The following GEMIN5 variants were observed in gnomAD, a reference collection of about 807,000 sequenced individuals.
The protein encoded by GEMIN5 is gem-associated protein 5.
Under a neutral mutation model 176.9 loss-of-function variants are expected in GEMIN5, and 124 were observed. That is an observed-to-expected ratio of 0.70 (90% CI 0.61 to 0.81). GEMIN5 has a LOEUF of 0.81. Ranked by LOEUF, GEMIN5 falls within the 40% of genes least tolerant of loss-of-function variation. The pLI, the probability that GEMIN5 is intolerant of heterozygous loss-of-function variation, is 0.00. For missense variants in GEMIN5, 1,843 were observed against 1,814.6 expected (o/e 1.02, Z -0.28); for synonymous variants, 673 against 665.2 (o/e 1.01, Z -0.18).
chr5:154,904,642 A>G lies in GEMIN5; in HGVS notation c.2510-13T>C. On this transcript the variant is annotated splice_polypyrimidine_tract_variant and intron_variant, in intron 17 of 27. Coordinates refer to ENST00000285873, the MANE Select transcript of GEMIN5 (RefSeq NM_015465.5). ...TTGATTAAGGTTTCTGAAATTTAAT[A>G]AAGTACATACTATCTGAAGGAGAAC... 3 of 1,599,970 alleles carry G rather than the reference A, an allele frequency of 1.9e-6. No homozygotes were observed. The highest frequency in any genetic ancestry group is 2.2e-5 in the East Asian group (1 of 44,756).
In GEMIN5 at chr5:154,888,248, T is replaced by C. The variant is rs1386796176; in HGVS notation, c.4489A>G (p.Lys1497Glu). ...GTCTGGCAGTGTCTTCTGTAAGTTT[T>C]CGTGTTGCCGTATTTCTGAAGGAGC... ...QELLQKYGNT[K>E]TYRRHCQTFC... Residue 1497 changes from lysine to glutamate, a missense_variant, in exon 28 of 28, where the codon AAA becomes GAA. By Grantham distance (56) the Lys-to-Glu change is moderately conservative. Transcript: ENST00000285873. 1 of 1,614,198 alleles carries C rather than the reference T, an allele frequency of 6.2e-7. No individual in the cohort carries two copies. The highest frequency in any genetic ancestry group is 1.7e-5 in the Admixed American group (1 of 60,018).
Position 154,925,844 on chromosome 5 carries a change from CA to C in GEMIN5, c.1293+17del. On this transcript the variant is annotated intron_variant, in intron 8 of 27. Transcript: ENST00000285873. Reference sequence around the variant, plus strand: ...GAAAAAAAAAAGTTCAAAACAAGCTCAAAAAAAGAATCCTTACCGCTGTAAC... The same window carrying C: ...GAAAAAAAAAAGTTCAAAACAAGCTCAAAAAAGAATCCTTACCGCTGTAAC... 6.8e-6 allele frequency: 10 copies of C among 1,480,760 alleles called. No individual in the cohort carries two copies. The highest frequency in any genetic ancestry group is 3.6e-5 in the Admixed American group (2 of 55,564). The allele number at this position is 1,480,760 out of a possible 1,614,324, so 91.7% of individuals were successfully genotyped here.
intron 23 of GEMIN5, 37 bp from the exon 24 acceptor site, chr5:154,896,380 AGGGAAAGCACT>A: frequency 6.5e-7 from 1 of 1,528,214 alleles, no homozygotes; most frequent in East Asian, 2.3e-5. Flanking sequence ...ACTGTTATAC[AGGGAAAGCACT>A]GGATGATCTC....
rs763638339 is a variant in GEMIN5 at position 154,924,565 on chromosome 5, AAG to A, written c.1294-13_1294-12del. 9.7e-5 allele frequency: 152 copies of A among 1,565,192 alleles called. 1 individual carries two copies. The highest frequency in any genetic ancestry group is 1.1e-4 in the Non-Finnish European group (129 of 1,137,122). On this transcript the variant is annotated splice_polypyrimidine_tract_variant and intron_variant, in intron 8 of 27. Coordinates refer to ENST00000285873, the MANE Select transcript of GEMIN5 (RefSeq NM_015465.5). ...TGGGTGCCAGCACAGCTACAAAAAA[AAG>A]AGTTTCCAAGTGAGAATATAAGAAG...
chr5:154,897,923 T>TG (rs1317093744), intron 23 of GEMIN5, among the ~76,000 whole-genome samples: 1 of 149,370 alleles, frequency 6.7e-6, no homozygotes, highest in East Asian at 1.9e-4. Flanking sequence ...TGTTTTTTTT[T>TG]TTTTTTTTGA....
intron 9 of GEMIN5, 66 bp from the exon 10 acceptor site, chr5:154,921,491 C>T: frequency 1.4e-6 from 1 of 737,516 alleles, no homozygotes. Context: ...AAAAACAGAC[C>T]ATCTTTTTCT....
rs940695069 is a variant in GEMIN5 at position 154,921,343 on chromosome 5, C to T, written c.1462G>A (p.Gly488Arg). The T allele has an allele frequency of 1.3e-5, 16 of 1,191,038 alleles. No individual in the cohort carries two copies. The African/African-American group carries it at 1.9e-4, about 14-fold the overall frequency. The allele number at this position is 1,191,038 out of a possible 1,614,324, so 73.8% of individuals were successfully genotyped here. A position where few individuals can be genotyped will look rare whatever the true frequency, so the allele number is the denominator to read the frequency against. Reference protein sequence around the residue: ...WGPPVPPMSLGGEGDRPSLAL... With the variant: ...WGPPVPPMSLRGEGDRPSLAL... Reference sequence around the variant, plus strand: ...GTTATGGAATTGTTCAGATACTTACCAAGTGACATGGGGGGTACTGGTGGC... The same window carrying T: ...GTTATGGAATTGTTCAGATACTTACTAAGTGACATGGGGGGTACTGGTGGC... The change falls in exon 10 of 28, where the codon GGA (glycine) becomes AGA (arginine). Residue 488 changes from glycine to arginine, a missense_variant and splice_region_variant. Physicochemically the swap from Gly to Arg is moderately radical, Grantham distance 125. Coordinates refer to ENST00000285873, the MANE Select transcript of GEMIN5 (RefSeq NM_015465.5).
chr5:154,892,467 A>G lies in GEMIN5; in HGVS notation c.3680T>C (p.Leu1227Pro), dbSNP rs765893701. 1.2e-6 allele frequency: 2 copies of G among 1,614,224 alleles called. No homozygotes were observed. The highest frequency in any genetic ancestry group is 2.2e-5 in the East Asian group (1 of 44,884). ...MASWDEAVQA[L>P]LRAVVRSYDS... The stretch of plus-strand genomic sequence containing the variant: ...ATAGCTCCGGACCACCGCCCGAAGG[A>G]GCGCCTGCACAGCCTCGTCCCAGGA... The change falls in exon 25 of 28, where the codon CTC (leucine) becomes CCC (proline). Residue 1227 changes from leucine to proline, a missense_variant. Leu to Pro is a moderately conservative substitution (Grantham distance 98). Transcript: ENST00000285873.
intron 24 of GEMIN5, among the ~76,000 whole-genome samples, chr5:154,893,053 C>T (rs192796725): frequency 6.6e-6 from 1 of 151,878 alleles, no homozygotes; most frequent in Admixed American, 6.6e-5. Context: ...GCTGAGATTG[C>T]GCCACTGCAC....
chr5:154,892,343 T>C, intron 25 of GEMIN5, 44 bp downstream of exon 25: 2 of 1,486,576 alleles, frequency 1.3e-6, no homozygotes, highest in Non-Finnish European at 9.4e-7. Context: ...GGTGGTGATG[T>C]TGTCCATTAA....
chr5:154,898,667 A>G lies in GEMIN5; in HGVS notation c.3135-17T>C, dbSNP rs747208603. On this transcript the variant is annotated splice_polypyrimidine_tract_variant and intron_variant, in intron 22 of 27. Transcript: ENST00000285873. ...CCTAAATAGCTATAATATGAATAAA[A>G]ATGTGAAGAAAATGTCACAAACAGA... is the stretch of plus-strand genomic sequence containing the variant. 6.5e-7 allele frequency: 1 copy of G among 1,544,582 alleles called. No homozygotes were observed. The highest frequency in any genetic ancestry group is 1.1e-5 in the South Asian group (1 of 89,614).
intron 6 of GEMIN5, 42 bp downstream of exon 6, chr5:154,928,485 A>T (rs763674058): frequency 6.2e-7 from 1 of 1,605,392 alleles, no homozygotes; most frequent in South Asian, 1.1e-5. Context: ...CCAAATAGAA[A>T]AACAAAATAT....
At chr5:154,903,249 G>T in intron 18 of GEMIN5, 74 bp from the exon 19 acceptor site, 4 of 977,228 alleles carry the variant, frequency 4.1e-6, no homozygotes, top group Non-Finnish European at 4.9e-6. Flanking sequence ...AATAACTTCC[G>T]AATATATGTT....
At chr5:154,923,954 T>C (rs1324426444) in intron 9 of GEMIN5, among the ~76,000 whole-genome samples, 1 of 152,202 alleles carries the variant, frequency 6.6e-6, no homozygotes, top group Non-Finnish European at 1.5e-5. Context: ...GAACTGTATA[T>C]GTAACCTAAA....
At chr5:154,891,813 A>T (rs1385437730) in intron 25 of GEMIN5, 71 bp from the exon 26 acceptor site, 14 of 1,423,172 alleles carry the variant, frequency 9.8e-6, no homozygotes, top group Non-Finnish European at 1.2e-5. Context: ...TCCTGCCCTT[A>T]TGTTCTATTT....
intron 3 of GEMIN5, among the ~76,000 whole-genome samples, chr5:154,934,374 C>A (rs1000850399): frequency 6.6e-6 from 1 of 152,082 alleles, no homozygotes; most frequent in African/African-American, 2.4e-5. Context: ...TTAATAGAGA[C>A]GGGGTTTCTC....
intron 15 of GEMIN5, among the ~76,000 whole-genome samples, chr5:154,908,232 G>A (rs948289737): frequency 2.0e-5 from 3 of 147,342 alleles, no homozygotes; most frequent in Admixed American, 6.9e-5. Context: ...CCCGGCGGGA[G>A]TGCAATGGCG....
At chr5:154,924,216 G>C (rs1270215945) in intron 9 of GEMIN5, among the ~76,000 whole-genome samples, 1 of 152,190 alleles carries the variant, frequency 6.6e-6, no homozygotes, top group Non-Finnish European at 1.5e-5. Flanking sequence ...GACTACTGTA[G>C]TGGAGAATGT....
At chr5:154,895,667 G>A (rs538580884) in intron 24 of GEMIN5, among the ~76,000 whole-genome samples, 1 of 45,100 alleles carries the variant, frequency 2.2e-5, no homozygotes, top group Non-Finnish European at 8.3e-5. Context: ...AATTCTGGTT[G>A]ATGGGTTATT....
Sources: gnomAD v4.1 joint callset for allele counts (sites outside exome capture counted in the v4.1 genomes callset) on GRCh38, gnomAD v4.1.1 for gene constraint, MANE v1.5 for transcripts, NCBI Gene and HGNC (gene_info 2026-07-23, HGNC 2026-07-21) for gene names.